Variants in NUP35 observed in about 807,000 individuals in gnomAD.
NUP35 encodes the protein nucleoporin NUP35.
Under a neutral mutation model 41.5 loss-of-function variants are expected in NUP35, and 25 were observed. That is an observed-to-expected ratio of 0.60 (90% CI 0.44 to 0.84). The LOEUF (loss-of-function observed/expected upper bound fraction) is 0.84, where lower values mean the gene tolerates loss of function less well. Ranked by LOEUF, NUP35 falls within the 40% of genes least tolerant of loss-of-function variation. NUP35 has a pLI of 0.00. For synonymous variants in NUP35, 149 were observed against 130.7 expected (o/e 1.14, Z -0.96); for missense variants, 396 against 396.6 (o/e 1.00, Z 0.01).
At chr2:183,128,578 C>A in intron 2 of NUP35, 121 bp downstream of exon 2, 1 of 483,968 alleles carries the variant, frequency 2.1e-6, no homozygotes. Flanking sequence ...AATACAGTAA[C>A]TCTAATAATA....
At chr2:183,118,303 C>A (rs1419153474) in intron 1 of NUP35, 1 of 152,122 alleles carries the variant, frequency 6.6e-6, no homozygotes, top group Non-Finnish European at 1.5e-5. Flanking sequence ...ATATAGTGAA[C>A]ATGCAGTATT....
chr2:183,126,965 A>G lies in NUP35; in HGVS notation c.41-1322A>G, dbSNP rs1477448935. ...TTGTAGAAAATAATAATTCGTATTT[A>G]TTGAGCACCTGTGTATCAGGTACCA... On this transcript the variant is annotated intron_variant, in intron 1 of 8. Transcript: ENST00000295119. 2.0e-5 allele frequency among the ~76,000 whole-genome samples: 3 copies of G among 150,848 alleles called. No individual in the cohort carries two copies. The East Asian group carries it at 5.9e-4, about 30-fold the overall frequency.
At chr2:183,157,049 T>C (rs764353889) in intron 5 of NUP35, among the ~76,000 whole-genome samples, 4 of 152,238 alleles carry the variant, frequency 2.6e-5, no homozygotes, top group South Asian at 2.1e-4. Flanking sequence ...CGTTTATAAT[T>C]TAAAATTCTT....
chr2:183,148,526 G>T (rs1685357083), intron 4 of NUP35, among the ~76,000 whole-genome samples: 1 of 152,062 alleles, frequency 6.6e-6, no homozygotes, highest in African/African-American at 2.4e-5. Context: ...ATGTAGTTTT[G>T]AATTGCATTT....
intron 1 of NUP35, among the ~76,000 whole-genome samples, chr2:183,127,083 A>G (rs577067437): frequency 1.6e-4 from 24 of 152,200 alleles, no homozygotes; most frequent in African/African-American, 5.1e-4. Flanking sequence ...TTGAACCCAC[A>G]TCTTTGACTC....
At chr2:183,160,329 TTTAGGTTCTATTACTG>T (rs1349333912) in intron 8 of NUP35, 5 of 152,198 alleles carry the variant, frequency 3.3e-5, no homozygotes, top group African/African-American at 1.2e-4. Flanking sequence ...TGTTTTTTTC[TTTAGGTTCTATTACTG>T]TTATTTTAAA....
At chr2:183,138,802 C>T (rs1381034360) in intron 4 of NUP35, among the ~76,000 whole-genome samples, 2 of 151,778 alleles carry the variant, frequency 1.3e-5, no homozygotes, top group Non-Finnish European at 2.9e-5. Flanking sequence ...TTTGTGTTAG[C>T]ATATTGTTAA....
chr2:183,144,020 A>T (rs145410332), intron 4 of NUP35, among the ~76,000 whole-genome samples: 41 of 152,342 alleles, frequency 2.7e-4, no homozygotes, highest in African/African-American at 9.6e-4. Context: ...AGAGGTTACC[A>T]AGGCTGCTTG....
intron 1 of NUP35, among the ~76,000 whole-genome samples, chr2:183,119,129 AG>A (rs1356317591): frequency 1.3e-5 from 2 of 152,090 alleles, no homozygotes; most frequent in Non-Finnish European, 2.9e-5. Context: ...CACCAGTTTT[AG>A]GTGTTTCTAT....
In NUP35 at chr2:183,158,383, T is replaced by A. The variant is rs1685751633; in HGVS notation, c.710T>A (p.Met237Lys). The A allele has an allele frequency of 6.2e-7, 1 of 1,608,344 alleles. No individual in the cohort carries two copies. Among genetic ancestry groups the A allele is most frequent in the African/African-American group, 1.3e-5 (1 of 74,838 alleles). ...GGGAGGATTTTTGGAGAATCCATCA[T>A]GATTGGTGTAAAACCATGTATTGAC... ...KDGRIFGESIMIGVKPCIDKS... is the reference protein window; with the variant it reads ...KDGRIFGESIKIGVKPCIDKS... Residue 237 changes from methionine (M) to lysine (K), a missense_variant, in exon 7 of 9, where the codon ATG becomes AAG. Met to Lys is a moderately conservative substitution (Grantham distance 95). Coordinates refer to ENST00000295119, the MANE Select transcript of NUP35 (RefSeq NM_138285.5).
At chr2:183,150,993 T>C (rs1685451580) in intron 4 of NUP35, among the ~76,000 whole-genome samples, 1 of 152,212 alleles carries the variant, frequency 6.6e-6, no homozygotes, top group African/African-American at 2.4e-5. Flanking sequence ...GGATAAGACA[T>C]TTTAGAAAGA....
chr2:183,125,273 ATTTC>A (rs1440950668), intron 1 of NUP35, among the ~76,000 whole-genome samples: 3 of 151,820 alleles, frequency 2.0e-5, no homozygotes, highest in Non-Finnish European at 4.4e-5. Context: ...CAGCACGCGG[ATTTC>A]TTTTTTTCCT....
chr2:183,118,715 C>T (rs1161657940), intron 1 of NUP35: 2 of 152,184 alleles, frequency 1.3e-5, no homozygotes, highest in South Asian at 2.1e-4. Flanking sequence ...CAGAAGAGAC[C>T]AAGACAAGTT....
At chr2:183,159,454 T>G in intron 7 of NUP35, 34 bp from the exon 8 acceptor site, 1 of 1,573,528 alleles carries the variant, frequency 6.4e-7, no homozygotes, top group Non-Finnish European at 8.7e-7. Flanking sequence ...GTATTATGTT[T>G]ATAAACAAAG....
intron 4 of NUP35, among the ~76,000 whole-genome samples, chr2:183,150,437 T>A (rs1685429643): frequency 6.6e-6 from 1 of 152,204 alleles, no homozygotes; most frequent in African/African-American, 2.4e-5. Flanking sequence ...AGACCAATCA[T>A]GTCTTTCCTC....
intron 1 of NUP35, among the ~76,000 whole-genome samples, chr2:183,125,657 A>G (rs1355429132): frequency 1.3e-5 from 2 of 152,148 alleles, no homozygotes; most frequent in East Asian, 3.9e-4. Context: ...CCAGTTCCAA[A>G]TTTTTCTATT....
chr2:183,136,063 C>T lies in NUP35; in HGVS notation c.397+2440C>T, dbSNP rs1045742234. Among the ~76,000 whole-genome samples the T allele has an allele frequency of 2.6e-5, 4 of 152,104 alleles. No individual in the cohort carries two copies. The South Asian group carries it at 6.2e-4, about 24-fold the overall frequency. ...AGGCAGTCTGTGAGCACTCATTGGC[C>T]GTGTCTTTAAAGTCTACATTTCTAG... On this transcript the variant is annotated intron_variant, in intron 4 of 8. Coordinates refer to ENST00000295119, the MANE Select transcript of NUP35 (RefSeq NM_138285.5).
chr2:183,128,355 G>A lies in NUP35; in HGVS notation c.109G>A (p.Gly37Arg), dbSNP rs1684572335. The A allele has an allele frequency of 6.2e-7, 1 of 1,614,042 alleles. No individual in the cohort carries two copies. Among genetic ancestry groups the A allele is most frequent in the Non-Finnish European group, 8.5e-7 (1 of 1,179,976 alleles). ...AGGAGTTAATGCCCAGTTCTTACCT[G>A]GATTTTTAATGGGGGATTTGCCAGC... ...KPGVNAQFLP[G>R]FLMGDLPAPV... Residue 37 changes from glycine (G) to arginine (R), a missense_variant, in exon 2 of 9, where the codon GGA (glycine) becomes AGA (arginine). Physicochemically the swap from Gly to Arg is moderately radical, Grantham distance 125 (BLOSUM62 -2). Coordinates refer to ENST00000295119, the MANE Select transcript of NUP35 (RefSeq NM_138285.5).
In NUP35 at chr2:183,154,762, T is replaced by A. The variant is rs190403551; in HGVS notation, c.540-2682T>A. Among the ~76,000 whole-genome samples the A allele has an allele frequency of 3.3e-3, 500 of 152,280 alleles. 9 individuals are homozygous for A. The highest frequency in any genetic ancestry group is 1.2e-3 in the East Asian group (6 of 5,192). ...GCCAGTTCCAATGTCACTTCCACAT[T>A]TTTGGGTATCTTTTCAGCAATGCCC... On this transcript the variant is annotated intron_variant, in intron 5 of 8. Transcript: ENST00000295119.
Sources: gnomAD v4.1 joint callset for allele counts (sites outside exome capture counted in the v4.1 genomes callset) on GRCh38, gnomAD v4.1.1 for gene constraint, MANE v1.5 for transcripts, NCBI Gene and HGNC (gene_info 2026-07-23, HGNC 2026-07-21) for gene names.